BAHD1: variants seen among roughly 807,000 people sequenced by gnomAD.
BAHD1 encodes bromo adjacent homology domain containing 1, also known as bromo adjacent homology domain-containing 1 protein.
BAHD1 carries 20 observed loss-of-function variants against 63.1 expected under a neutral mutation model. That is an observed-to-expected ratio of 0.32 (90% CI 0.22 to 0.46). The LOEUF (loss-of-function observed/expected upper bound fraction) is 0.46, where lower values mean the gene tolerates loss of function less well. Among genes scored for constraint, BAHD1 ranks in the 20% least tolerant of loss-of-function variants. The pLI is 1.00. For missense variants in BAHD1, 939 were observed against 1,071.8 expected (o/e 0.88, Z 1.73); for synonymous variants, 408 against 426.8 (o/e 0.96, Z 0.54).
chr15:40,466,932 T>A lies in BAHD1; in HGVS notation c.*802T>A, dbSNP rs972207159. 2 of 152,262 alleles carry A rather than the reference T, an allele frequency of 1.3e-5. No homozygotes were observed. The highest frequency in any genetic ancestry group is 4.8e-5 in the African/African-American group (2 of 41,356). 9.4% of individuals were successfully genotyped at this position (152,262 alleles called of 1,614,324 possible). ...GTTGGGGGCAGGGGGCAAGGAAAAT[T>A]GCTACCTGATTTGTTGAAGATTTTT... On this transcript the variant is annotated 3_prime_UTR_variant, in exon 7 of 7. Coordinates refer to ENST00000416165, the MANE Select transcript of BAHD1 (RefSeq NM_014952.5).
intron 1 of BAHD1, among the ~76,000 whole-genome samples, chr15:40,457,527 T>C (rs1046966116): frequency 2.6e-5 from 4 of 152,146 alleles, no homozygotes; most frequent in African/African-American, 9.7e-5. Flanking sequence ...TAGACCCAGG[T>C]TGTGGCAGTC....
Position 40,456,506 on chromosome 15 carries a change from C to G in BAHD1, c.-14-1945C>G, listed in dbSNP as rs186915417. ...AGCAAAGCCTGGCACGCTGCCTCTCCTTTCCAGTTTTCCGTGTCCTTTCTC... is the reference window on the plus strand; with the variant it reads ...AGCAAAGCCTGGCACGCTGCCTCTCGTTTCCAGTTTTCCGTGTCCTTTCTC... On this transcript the variant is annotated intron_variant, in intron 1 of 6. Coordinates refer to ENST00000416165, the MANE Select transcript of BAHD1 (RefSeq NM_014952.5). 2.0e-5 allele frequency among the ~76,000 whole-genome samples: 3 copies of G among 152,366 alleles called. No individual in the cohort carries two copies. In the East Asian group the frequency reaches 5.8e-4, roughly 29 times the overall value.
intron 1 of BAHD1, among the ~76,000 whole-genome samples, chr15:40,445,503 C>G (rs543266695): frequency 1.3e-5 from 2 of 152,284 alleles, no homozygotes; most frequent in East Asian, 3.9e-4. Context: ...TTCCTCTTGG[C>G]CTTGCTCCGG....
At position 40,459,758 on chromosome 15, in the gene BAHD1, C is replaced by T. The variant is rs768122732; in HGVS notation, c.1294C>T (p.Pro432Ser). The T allele has an allele frequency of 6.2e-7, 1 of 1,614,006 alleles. No homozygotes were observed. The highest frequency in any genetic ancestry group is 1.1e-5 in the South Asian group (1 of 91,082). Residue 432 changes from proline (P) to serine (S), a missense_variant, in exon 2 of 7, where the codon CCC becomes TCC. Pro to Ser is a moderately conservative substitution (Grantham distance 74). This residue lies in a region of BAHD1 where 797 missense variants were observed against 813.3 expected (regional missense o/e 0.98). Transcript: ENST00000416165. ...VPSGTPFQHPPWGSSRYCSSE... is the reference protein window; with the variant it reads ...VPSGTPFQHPSWGSSRYCSSE... ...CTCAGGCACCCCTTTCCAGCACCCT[C>T]CCTGGGGCTCCTCTCGCTACTGCTC...
At chr15:40,446,168 T>C (rs1893535128) in intron 1 of BAHD1, among the ~76,000 whole-genome samples, 1 of 152,218 alleles carries the variant, frequency 6.6e-6, no homozygotes, top group Admixed American at 6.5e-5. Flanking sequence ...ATGGGCTGGT[T>C]TGAATTTCAG....
intron 1 of BAHD1, among the ~76,000 whole-genome samples, chr15:40,446,554 C>T (rs1893545512): frequency 6.6e-6 from 1 of 152,166 alleles, no homozygotes; most frequent in Non-Finnish European, 1.5e-5. Flanking sequence ...CTTTTAAGAT[C>T]CTCTGCAGGC....
chr15:40,464,249 C>T, intron 4 of BAHD1: 2 of 653,304 alleles, frequency 3.1e-6, no homozygotes, highest in Non-Finnish European at 5.2e-6. Flanking sequence ...AGCCTGGGCA[C>T]CTGTCCCCCC....
chr15:40,444,411 T>C (rs1893480630), intron 1 of BAHD1, among the ~76,000 whole-genome samples: 1 of 152,226 alleles, frequency 6.6e-6, no homozygotes, highest in South Asian at 2.1e-4. Flanking sequence ...ATATAGACAT[T>C]GGAAAAGGGC....
At chr15:40,449,774 C>A (rs4244580) in intron 1 of BAHD1, among the ~76,000 whole-genome samples, 92,992 of 149,968 alleles carry the variant, frequency 0.62, 29,709 homozygotes, top group East Asian at 0.81. Flanking sequence ...GTGCCACTGC[C>A]CTACTACTGC....
chr15:40,452,945 A>C (rs1303883327), intron 1 of BAHD1, among the ~76,000 whole-genome samples: 2 of 152,150 alleles, frequency 1.3e-5, no homozygotes, highest in Non-Finnish European at 2.9e-5. Flanking sequence ...GTGGGCACTT[A>C]GGTGTTTTTA....
At chr15:40,452,983 G>T (rs1893749951) in intron 1 of BAHD1, among the ~76,000 whole-genome samples, 1 of 152,176 alleles carries the variant, frequency 6.6e-6, no homozygotes, top group Admixed American at 6.5e-5. Flanking sequence ...CAAAGTTCAG[G>T]TGCAAGCTTG....
At position 40,459,873 on chromosome 15, in the gene BAHD1, C is replaced by T; in HGVS notation, c.1409C>T (p.Pro470Leu). ...THAGTTCGGC[P>L]YKMPFAAEGC... ...GCTGGCACTACCTGTGGCGGCTGCC[C>T]ATACAAAATGCCTTTTGCAGCAGGT... Residue 470 changes from proline (P) to leucine (L), a missense_variant, in exon 2 of 7, where the codon CCA becomes CTA. Around this residue, in one of 5 missense-constraint regions of BAHD1, gnomAD observed 797 missense variants for 813.3 expected, o/e 0.98. Coordinates refer to ENST00000416165, the MANE Select transcript of BAHD1 (RefSeq NM_014952.5). 6.3e-7 allele frequency: 1 copy of T among 1,592,294 alleles called. No homozygotes were observed.
In BAHD1 at chr15:40,461,925, C is replaced by T. The variant is rs538222650; in HGVS notation, c.1446C>T (p.Ser482=). 154 of 1,601,598 alleles carry T rather than the reference C, an allele frequency of 9.6e-5. 2 individuals are homozygous for T. In the South Asian group the frequency reaches 1.7e-3, roughly 18 times the overall value. Residue 482 remains serine (S), a synonymous_variant, in exon 3 of 7, where the codon TCC becomes TCT. Coordinates refer to ENST00000416165, the MANE Select transcript of BAHD1 (RefSeq NM_014952.5). ...KMPFAAEGCR[S]LGQLEFPLPE... ...TCCCTTTCCTAGAAGGCTGCAGATC[C>T]CTGGGCCAGTTGGAATTTCCTCTCC...
At chr15:40,437,895 C>T (rs952167111), upstream of BAHD1, among the ~76,000 whole-genome samples, 8 of 152,230 alleles carry the variant, frequency 5.3e-5, no homozygotes, top group East Asian at 3.9e-4. Context: ...AAGGGTGCGC[C>T]GCGTGGTCTC....
intron 1 of BAHD1, among the ~76,000 whole-genome samples, chr15:40,452,279 C>T (rs558276306): frequency 4.2e-5 from 1 of 23,626 alleles, no homozygotes; most frequent in East Asian, 5.4e-3. Flanking sequence ...GGCCCCTGCT[C>T]TCTCTCTCTC....
In BAHD1 at chr15:40,459,119, C is replaced by T. The variant is rs143744499; in HGVS notation, c.655C>T (p.Arg219Trp). 1.8e-5 allele frequency: 29 copies of T among 1,613,042 alleles called. No individual in the cohort carries two copies. The Middle Eastern group carries it at 4.9e-4, about 28-fold the overall frequency. Residue 219 changes from arginine to tryptophan, a missense_variant, in exon 2 of 7, where the codon CGG (arginine) becomes TGG (tryptophan). By Grantham distance (101) the Arg-to-Trp change is moderately radical. This residue lies in a region of BAHD1 where 797 missense variants were observed against 813.3 expected (regional missense o/e 0.98). Transcript: ENST00000416165. ...TGCTTTCCTAAAACTGAGCCAGGAG[C>T]GGGAGCTACCCCTGCGGCTGCCTCG... is the stretch of plus-strand genomic sequence containing the variant. ...AAAFLKLSQE[R>W]ELPLRLPRAH...
At chr15:40,460,145 G>A (rs1327723216) in intron 2 of BAHD1, among the ~76,000 whole-genome samples, 3 of 152,180 alleles carry the variant, frequency 2.0e-5, no homozygotes, top group Non-Finnish European at 4.4e-5. Context: ...TGGCCTGGCA[G>A]TTAGGTAGCA....
chr15:40,465,079 G>T (rs916193815), intron 5 of BAHD1: 7 of 529,434 alleles, frequency 1.3e-5, no homozygotes, highest in African/African-American at 1.9e-5. Context: ...GCTAGGCAGG[G>T]CTGGGGTTTG....
chr15:40,438,703 C>A (rs983712347), upstream of BAHD1, among the ~76,000 whole-genome samples: 1 of 152,190 alleles, frequency 6.6e-6, no homozygotes, highest in Non-Finnish European at 1.5e-5. Context: ...ACCAGGAAGA[C>A]ACCCAATCCT....
Sources: allele counts gnomAD v4.1 joint callset (sites outside exome capture counted in the v4.1 genomes callset), GRCh38; gene constraint gnomAD v4.1.1; regional missense constraint gnomAD v4.1.1; transcripts MANE v1.5; gene names NCBI Gene and HGNC (gene_info 2026-07-23, HGNC 2026-07-21).